ITPR2: variants seen among roughly 807,000 people sequenced by gnomAD.
ITPR2 encodes inositol 1,4,5-trisphosphate-gated calcium channel ITPR2.
Under a neutral mutation model 317.1 loss-of-function variants are expected in ITPR2, and 207 were observed. That is an observed-to-expected ratio of 0.65 (90% CI 0.58 to 0.73). The LOEUF is 0.73. Ranked by LOEUF, ITPR2 falls within the 30% of genes least tolerant of loss-of-function variation. The pLI is 0.00. For missense variants in ITPR2, 2,613 were observed against 3,284.0 expected, an observed-to-expected ratio of 0.80 and a Z score of 4.99; for synonymous variants, 1,156 against 1,149.1, an observed-to-expected ratio of 1.01 and a Z score of -0.12.
At chr12:26,767,435 T>A (rs955923577) in intron 2 of ITPR2, among the ~76,000 whole-genome samples, 1 of 152,194 alleles carries the variant, frequency 6.6e-6, no homozygotes, top group African/African-American at 2.4e-5. Flanking sequence ...AGAAAAAGCA[T>A]GTATGTATGT....
chr12:26,571,547 C>G (rs886399627), intron 34 of ITPR2, among the ~76,000 whole-genome samples: 3 of 152,178 alleles, frequency 2.0e-5, no homozygotes, highest in African/African-American at 7.2e-5. Context: ...ACAATGCACA[C>G]GGTATAAAAC....
At chr12:26,374,894 G>A (rs1185049302) in intron 55 of ITPR2, among the ~76,000 whole-genome samples, 2 of 152,172 alleles carry the variant, frequency 1.3e-5, no homozygotes, top group African/African-American at 4.8e-5. Flanking sequence ...AATTCCCTTA[G>A]ATAAAATTAG....
At position 26,553,077 on chromosome 12, in the gene ITPR2, G is replaced by A. The variant is rs191630509; in HGVS notation, c.4965-2722C>T. ...AGTGTGTGTATAAACTCACACAAATGTCACCCTCACTATGAGATGCACTCT... is the reference window on the plus strand; with the variant it reads ...AGTGTGTGTATAAACTCACACAAATATCACCCTCACTATGAGATGCACTCT... On this transcript the variant is annotated intron_variant, in intron 36 of 56. Transcript: ENST00000381340. 2.1e-3 allele frequency among the ~76,000 whole-genome samples: 313 copies of A among 152,286 alleles called. 3 individuals are homozygous for A. The highest frequency in any genetic ancestry group is 6.2e-4 in the Non-Finnish European group (42 of 68,010).
chr12:26,531,466 C>T (rs1003032605), intron 37 of ITPR2, among the ~76,000 whole-genome samples: 2 of 152,172 alleles, frequency 1.3e-5, no homozygotes, highest in African/African-American at 4.8e-5. Flanking sequence ...TTAAAATGCT[C>T]CTTGATTTTT....
chr12:26,609,325 G>T (rs1946210344), intron 26 of ITPR2, among the ~76,000 whole-genome samples: 1 of 152,226 alleles, frequency 6.6e-6, no homozygotes, highest in African/African-American at 2.4e-5. Flanking sequence ...AACAAGTGGA[G>T]GACAGGCGCA....
rs1344366159 is a variant in ITPR2, at chr12:26,784,303, C to T, written c.163+5854G>A. Among the ~76,000 whole-genome samples the T allele has an allele frequency of 1.9e-3, 44 of 23,328 alleles. 1 individual carries two copies. The highest frequency in any genetic ancestry group is 5.7e-3 in the African/African-American group (42 of 7,418). The allele number at this position is 23,328 out of a possible 152,430, so 15.3% of individuals were successfully genotyped here. On this transcript the variant is annotated intron_variant, in intron 2 of 56. Coordinates refer to ENST00000381340, the MANE Select transcript of ITPR2 (RefSeq NM_002223.4). ...CCTCTCCCTCTCCCTCTCCCTCTCC[C>T]TCTCCCTCTCCCTCTGCCTCTCCCT...
intron 55 of ITPR2, among the ~76,000 whole-genome samples, chr12:26,362,396 C>T (rs1938861094): frequency 6.6e-6 from 1 of 152,202 alleles, no homozygotes; most frequent in African/African-American, 2.4e-5. Context: ...TTCCACCATT[C>T]CCTGGGTCAC....
At chr12:26,663,642 A>G (rs746111554) in intron 15 of ITPR2, 43 bp downstream of exon 15, 40 of 1,538,484 alleles carry the variant, frequency 2.6e-5, no homozygotes, top group African/African-American at 5.5e-5. Flanking sequence ...CCTTGCCCAT[A>G]CTTTACATAT....
At chr12:26,355,139 G>A (rs1938594934) in intron 55 of ITPR2, among the ~76,000 whole-genome samples, 1 of 152,202 alleles carries the variant, frequency 6.6e-6, no homozygotes, top group African/African-American at 2.4e-5. Context: ...GTTTGAGAAT[G>A]ACCACTGTAG....
At chr12:26,574,779 G>A (rs1001375609) in intron 34 of ITPR2, among the ~76,000 whole-genome samples, 3 of 152,064 alleles carry the variant, frequency 2.0e-5, no homozygotes, top group Non-Finnish European at 2.9e-5. Flanking sequence ...GAGAGCAGAC[G>A]GGGTCATGTG....
At chr12:26,397,577 A>T (rs1397130656) in intron 54 of ITPR2, among the ~76,000 whole-genome samples, 2 of 152,072 alleles carry the variant, frequency 1.3e-5, no homozygotes, top group African/African-American at 4.8e-5. Context: ...AACACCCCAA[A>T]ACAGGGAATG....
intron 55 of ITPR2, among the ~76,000 whole-genome samples, chr12:26,354,255 C>T (rs1205236078): frequency 2.0e-5 from 2 of 97,836 alleles, no homozygotes; most frequent in Admixed American, 2.5e-4. Flanking sequence ...GCCTGGGCAA[C>T]AGAGCCAGAC....
rs1244065816 is a variant in ITPR2 at position 26,414,048 on chromosome 12, TGTACACACACACAC to T, written c.7306+1241_7306+1254del. 5.3e-3 allele frequency among the ~76,000 whole-genome samples: 260 copies of T among 49,032 alleles called. 1 individual carries two copies. Among genetic ancestry groups the T allele is most frequent in the African/African-American group, 0.019 (240 of 12,506 alleles). 32.2% of individuals were successfully genotyped at this position (49,032 alleles called of 152,430 possible). On this transcript the variant is annotated intron_variant, in intron 51 of 56. Transcript: ENST00000381340. ...GAAGCAGATAGTCTACATGTATATA[TGTACACACACACAC>T]ACACACACACACACACACACACACA... is the stretch of plus-strand genomic sequence containing the variant.
chr12:26,558,243 T>C (rs1055554218), intron 35 of ITPR2, among the ~76,000 whole-genome samples: 8 of 152,236 alleles, frequency 5.3e-5, no homozygotes, highest in Non-Finnish European at 7.3e-5. Context: ...CTTTGTTTCA[T>C]CTATTAAACA....
In ITPR2 at chr12:26,339,455, C is replaced by A. The variant is rs1382569130; in HGVS notation, c.8048G>T (p.Arg2683Ile). ...TGTGTTTGATCCGAGGAAGCCCAGT[C>A]TCTGCTTATTCTTCCTTTGTTCTGT... ...QMTEQRKNKQ[R>I]LGFLGSNTPH... is the part of the protein sequence containing the mutation. Residue 2683 changes from arginine (R) to isoleucine (I), a missense_variant, in exon 57 of 57, where the codon AGA (arginine) becomes ATA (isoleucine). Transcript: ENST00000381340. 1 of 1,613,892 alleles carries A rather than the reference C, an allele frequency of 6.2e-7. No individual in the cohort carries two copies. The highest frequency in any genetic ancestry group is 8.5e-7 in the Non-Finnish European group (1 of 1,179,862).
At chr12:26,798,613 A>C (rs1349330671) in intron 1 of ITPR2, among the ~76,000 whole-genome samples, 1 of 152,194 alleles carries the variant, frequency 6.6e-6, no homozygotes, top group African/African-American at 2.4e-5. Flanking sequence ...CTTAGCCAAC[A>C]CTCAAGTTGC....
chr12:26,543,833 T>C (rs1944322924), intron 37 of ITPR2, among the ~76,000 whole-genome samples: 1 of 152,166 alleles, frequency 6.6e-6, no homozygotes, highest in African/African-American at 2.4e-5. Context: ...TCTCTTTCCC[T>C]ACCCCAATGT....
chr12:26,806,052 T>G (rs1950634429), intron 1 of ITPR2, among the ~76,000 whole-genome samples: 1 of 152,110 alleles, frequency 6.6e-6, no homozygotes, highest in African/African-American at 2.4e-5. Flanking sequence ...AGCACAGCAA[T>G]CCAGGTAAGA....
At chr12:26,351,116 G>A (rs1455304472) in intron 55 of ITPR2, among the ~76,000 whole-genome samples, 3 of 152,224 alleles carry the variant, frequency 2.0e-5, no homozygotes, top group Non-Finnish European at 4.4e-5. Context: ...CAGGACTCTA[G>A]GATGAGTGAC....
Sources: gnomAD v4.1 joint callset for allele counts (sites outside exome capture counted in the v4.1 genomes callset) on GRCh38, gnomAD v4.1.1 for gene constraint, MANE v1.5 for transcripts, NCBI Gene and HGNC (gene_info 2026-07-23, HGNC 2026-07-21) for gene names.